Variants in ASCC1 observed in about 807,000 individuals in gnomAD.
The protein encoded by ASCC1 is activating signal cointegrator 1 complex subunit 1, also known as ASC-1 complex subunit P50.
A neutral mutation model predicts 46.6 loss-of-function variants in ASCC1; 35 were observed. That is an observed-to-expected ratio of 0.75 (90% CI 0.57 to 0.99). The LOEUF is 0.99. Among genes scored for constraint, ASCC1 ranks in the 50% least tolerant of loss-of-function variants. ASCC1 has a pLI of 0.00. For synonymous variants in ASCC1, 143 were observed against 146.6 expected, an observed-to-expected ratio of 0.98 and a Z score of 0.18; for missense variants, 376 against 428.7, an observed-to-expected ratio of 0.88 and a Z score of 1.09.
intron 5 of ASCC1, 148 bp from the exon 6 acceptor site, chr10:72,161,822 T>C: frequency 1.2e-6 from 1 of 816,020 alleles, no homozygotes; most frequent in East Asian, 2.6e-5. Context: ...GAAAGTCTCC[T>C]CAATAAATGA....
intron 8 of ASCC1, among the ~76,000 whole-genome samples, chr10:72,131,534 T>C (rs1232786442): frequency 6.6e-6 from 1 of 151,860 alleles, no homozygotes; most frequent in Non-Finnish European, 1.5e-5. Flanking sequence ...CAAGAGTATA[T>C]AGGCTTTAAC....
intron 6 of ASCC1, among the ~76,000 whole-genome samples, chr10:72,160,895 A>G (rs1457336159): frequency 6.6e-6 from 1 of 151,714 alleles, no homozygotes; most frequent in Non-Finnish European, 1.5e-5. Flanking sequence ...CATCCTGGCT[A>G]AAATGGTGAA....
chr10:72,129,284 A>T (rs1845274118), intron 8 of ASCC1, among the ~76,000 whole-genome samples: 1 of 152,274 alleles, frequency 6.6e-6, no homozygotes, highest in Non-Finnish European at 1.5e-5. Flanking sequence ...CCAAATAAAT[A>T]TCAAAAAGTG....
chr10:72,152,356 GT>G (rs1273389053), intron 7 of ASCC1, among the ~76,000 whole-genome samples: 1 of 151,900 alleles, frequency 6.6e-6, no homozygotes, highest in East Asian at 1.9e-4. Context: ...ACCCTATGAA[GT>G]TGGTAAAGTT....
In ASCC1 at chr10:72,116,542, CACTT is replaced by C. The variant is rs150313369; in HGVS notation, c.957+11536_957+11539del. On this transcript the variant is annotated intron_variant, in intron 9 of 9. Coordinates refer to ENST00000672957, the MANE Select transcript of ASCC1 (RefSeq NM_001198800.3). ...CAATTAAATATATGTTAGATCTTCT[CACTT>C]ACTATCCTGAACGTTTTGTTCTCTT... 2.9e-3 allele frequency among the ~76,000 whole-genome samples: 436 copies of C among 152,336 alleles called. 2 individuals carry two copies. The highest frequency in any genetic ancestry group is 9.8e-3 in the African/African-American group (409 of 41,580).
chr10:72,197,509 G>A (rs1292899214), intron 4 of ASCC1, among the ~76,000 whole-genome samples: 1 of 145,282 alleles, frequency 6.9e-6, no homozygotes, highest in Non-Finnish European at 1.5e-5. Flanking sequence ...CCTTAAGACA[G>A]CTTATAAAGT....
chr10:72,145,094 C>A (rs1564642701), intron 7 of ASCC1, among the ~76,000 whole-genome samples: 2 of 152,126 alleles, frequency 1.3e-5, no homozygotes, highest in African/African-American at 4.8e-5. Context: ...TTTTAACATT[C>A]AGAAAATATC....
chr10:72,171,665 C>G (rs1851102379), intron 5 of ASCC1, among the ~76,000 whole-genome samples: 1 of 152,190 alleles, frequency 6.6e-6, no homozygotes, highest in Admixed American at 6.5e-5. Flanking sequence ...GATCTGCCCA[C>G]CTCGGCCTCC....
At chr10:72,206,467 T>C (rs1056076341) in intron 3 of ASCC1, among the ~76,000 whole-genome samples, 3 of 152,020 alleles carry the variant, frequency 2.0e-5, no homozygotes, top group Non-Finnish European at 2.9e-5. Flanking sequence ...TGTCATAAGG[T>C]TGTCGTAAGG....
chr10:72,172,528 T>C (rs1851250452), intron 5 of ASCC1, among the ~76,000 whole-genome samples: 1 of 148,770 alleles, frequency 6.7e-6, no homozygotes, highest in Non-Finnish European at 1.5e-5. Context: ...TTTTCTTTTG[T>C]AGAAATGGGG....
At chr10:72,099,100 A>G (rs956647331) in intron 9 of ASCC1, among the ~76,000 whole-genome samples, 3 of 152,214 alleles carry the variant, frequency 2.0e-5, no homozygotes, top group African/African-American at 7.2e-5. Context: ...TCAACAAGTT[A>G]CTTTTTAAGG....
intron 5 of ASCC1, among the ~76,000 whole-genome samples, chr10:72,163,755 C>T (rs996816824): frequency 1.3e-5 from 2 of 151,562 alleles, no homozygotes; most frequent in Admixed American, 6.6e-5. Flanking sequence ...AAAATTTTGG[C>T]TCTGGGAAGC....
At position 72,152,909 on chromosome 10, in the gene ASCC1, C is replaced by T. The variant is rs995791260; in HGVS notation, c.706G>A (p.Val236Ile). ...YMNDDPGMVD[V>I]LYAKVHMKDG... Reference sequence around the variant, plus strand: ...TTCATATGGACTTTGGCGTAAAGAACATCCACCATGCCAGGATCATCATTC... The same window carrying T: ...TTCATATGGACTTTGGCGTAAAGAATATCCACCATGCCAGGATCATCATTC... Residue 236 changes from valine (V) to isoleucine (I), a missense_variant, in exon 7 of 10, where the codon GTT becomes ATT. Coordinates refer to ENST00000672957, the MANE Select transcript of ASCC1 (RefSeq NM_001198800.3). The T allele has an allele frequency of 1.2e-6, 2 of 1,614,120 alleles. No individual in the cohort carries two copies. The highest frequency in any genetic ancestry group is 1.7e-6 in the Non-Finnish European group (2 of 1,180,000).
intron 5 of ASCC1, among the ~76,000 whole-genome samples, chr10:72,180,005 G>A (rs935415145): frequency 7.2e-5 from 11 of 152,132 alleles, no homozygotes; most frequent in South Asian, 2.1e-4. Context: ...GGCCGGGTAC[G>A]GTGGCTCACA....
intron 5 of ASCC1, among the ~76,000 whole-genome samples, chr10:72,168,327 CAT>C (rs1270176896): frequency 2.6e-5 from 4 of 152,268 alleles, no homozygotes; most frequent in Admixed American, 6.5e-5. Flanking sequence ...TGTAGAAAGA[CAT>C]ATAATTTTGC....
chr10:72,209,770 C>T (rs79819428), intron 3 of ASCC1, among the ~76,000 whole-genome samples: 11,946 of 151,992 alleles, frequency 0.079, 1,248 homozygotes, highest in African/African-American at 0.23. Flanking sequence ...GGCGAAAGAG[C>T]GAAACTCTGT....
chr10:72,194,767 A>G (rs1338025501), intron 5 of ASCC1, among the ~76,000 whole-genome samples: 1 of 152,038 alleles, frequency 6.6e-6, no homozygotes, highest in Non-Finnish European at 1.5e-5. Context: ...TTTTGAGACA[A>G]GTTTCGCTCT....
At chr10:72,138,291 G>A (rs977136781) in intron 7 of ASCC1, among the ~76,000 whole-genome samples, 1 of 152,160 alleles carries the variant, frequency 6.6e-6, no homozygotes, top group African/African-American at 2.4e-5. Flanking sequence ...AAAAAAAGTA[G>A]ACAGGGAGTT....
intron 5 of ASCC1, among the ~76,000 whole-genome samples, chr10:72,195,543 A>AATTTT: frequency 6.6e-6 from 1 of 151,696 alleles, no homozygotes; most frequent in Non-Finnish European, 1.5e-5. Flanking sequence ...ATACAAGCTA[A>AATTTT]ATTTTATTTT....
Sources: gnomAD v4.1 joint callset for allele counts (sites outside exome capture counted in the v4.1 genomes callset) on GRCh38, gnomAD v4.1.1 for gene constraint, MANE v1.5 for transcripts, NCBI Gene and HGNC (gene_info 2026-07-23, HGNC 2026-07-21) for gene names.